CD72: variants seen among roughly 807,000 people sequenced by gnomAD.
CD72 encodes B-cell differentiation antigen CD72.
A neutral mutation model predicts 50.7 loss-of-function variants in CD72; 28 were observed. That is an observed-to-expected ratio of 0.55 (90% CI 0.41 to 0.76). CD72 has a LOEUF of 0.76. CD72 is among the 30% of genes least tolerant of loss of function. CD72 has a pLI of 0.00. For synonymous variants in CD72, 176 were observed against 171.2 expected (o/e 1.03, Z -0.22); for missense variants, 403 against 420.6 (o/e 0.96, Z 0.37).
chr9:35,616,147 T>A lies in CD72; in HGVS notation c.484A>T (p.Arg162Ter). Residue 162 changes from arginine (R) to a stop codon, truncating the protein, a stop_gained, in exon 5 of 9, where the codon AGA (arginine) becomes TGA (stop). Coordinates refer to ENST00000259633, the MANE Select transcript of CD72 (RefSeq NM_001782.3). LOFTEE classifies it high-confidence loss of function. ...GCTTCCTGACTCTGCGCCAGCTCTCTCCTGGACCCCTGCAGATCCTCTGCA... is the reference window on the plus strand; with the variant it reads ...GCTTCCTGACTCTGCGCCAGCTCTCACCTGGACCCCTGCAGATCCTCTGCA... ...QSAEDLQGSR[R>*]ELAQSQEALQ... 6.2e-7 allele frequency: 1 copy of A among 1,614,164 alleles called. No individual in the cohort carries two copies. The highest frequency in any genetic ancestry group is 8.5e-7 in the Non-Finnish European group (1 of 1,180,046).
At chr9:35,633,696 C>T (rs1823266622) in intron 1 of CD72, among the ~76,000 whole-genome samples, 1 of 152,160 alleles carries the variant, frequency 6.6e-6, no homozygotes, top group African/African-American at 2.4e-5. Flanking sequence ...TCCCACCTCC[C>T]CCAGCCCGTA....
At chr9:35,643,907 A>C (rs760280386) in intron 1 of CD72, among the ~76,000 whole-genome samples, 14 of 152,060 alleles carry the variant, frequency 9.2e-5, no homozygotes, top group Non-Finnish European at 1.5e-4. Flanking sequence ...AATTGCTTAA[A>C]TCTGGAGGTG....
intron 1 of CD72, among the ~76,000 whole-genome samples, chr9:35,633,773 A>C (rs1049647405): frequency 1.3e-5 from 2 of 152,214 alleles, no homozygotes; most frequent in African/African-American, 4.8e-5. Context: ...TACGTTCCGA[A>C]AAACCCATCA....
chr9:35,611,103 T>C (rs1009060456), intron 7 of CD72, among the ~76,000 whole-genome samples: 2 of 152,082 alleles, frequency 1.3e-5, no homozygotes, highest in African/African-American at 4.8e-5. Context: ...TACAAAAAAT[T>C]AGCCGGGCAT....
chr9:35,616,842 G>A, intron 3 of CD72, 153 bp from the exon 4 acceptor site: 2 of 991,964 alleles, frequency 2.0e-6, no homozygotes, highest in Non-Finnish European at 3.0e-6. Flanking sequence ...TTTCTGTCGG[G>A]TAGCGGGGTG....
At chr9:35,617,076 T>C (rs1823076161) in intron 3 of CD72, 100 bp downstream of exon 3, 2 of 1,510,258 alleles carry the variant, frequency 1.3e-6, no homozygotes, top group Admixed American at 2.4e-5. Flanking sequence ...CGCCCGGGTT[T>C]ATCCCGGAAG....
intron 5 of CD72, among the ~76,000 whole-genome samples, chr9:35,615,090 G>A (rs972387396): frequency 7.2e-5 from 11 of 152,136 alleles, no homozygotes; most frequent in South Asian, 4.1e-4. Context: ...CCATCCTTTC[G>A]CCGGAAGAGC....
rs376594088 is a variant in CD72, at chr9:35,618,060, T to C, written c.144A>G (p.Leu48=). Residue 48 remains leucine (L), a synonymous_variant, in exon 2 of 9, where the codon CTA becomes CTG. Coordinates refer to ENST00000259633, the MANE Select transcript of CD72 (RefSeq NM_001782.3). ...AAGAAGCCAAGCTTGAGGGCACCCC[T>C]AGGACTGCGGGCACTTGAACATTCT... ...TYENVQVPAV[L]GVPSSLASSV... 1.3e-5 allele frequency: 21 copies of C among 1,613,918 alleles called. No homozygotes were observed. In the African/African-American group the frequency reaches 2.7e-4, roughly 21 times the overall value.
intron 8 of CD72, 93 bp downstream of exon 8, chr9:35,610,509 T>C: frequency 9.9e-7 from 1 of 1,011,872 alleles, no homozygotes; most frequent in Non-Finnish European, 1.4e-6. Flanking sequence ...GTACAAGTTT[T>C]CTCTCGGGCC....
chr9:35,612,014 G>GATT, intron 6 of CD72, 95 bp from the exon 7 acceptor site: 1 of 714,680 alleles, frequency 1.4e-6, no homozygotes, highest in Non-Finnish European at 2.5e-6. Flanking sequence ...CTTTGGCAAG[G>GATT]GGGCTGTATA....
rs751000794 is a variant in CD72, at chr9:35,618,233, C to T, written c.71G>A (p.Arg24Gln). ...KAPLKKSISS[R>Q]LGQDPGADDD... Reference sequence around the variant, plus strand: ...CTCATCCCCCTTACCCTGTCCTAACCGGCTGGAGATGCTCTTCTTCAGGGG... The same window carrying T: ...CTCATCCCCCTTACCCTGTCCTAACTGGCTGGAGATGCTCTTCTTCAGGGG... The change falls in exon 1 of 9, where the codon CGG (arginine) becomes CAG (glutamine). Residue 24 changes from arginine to glutamine, a missense_variant. Arg to Gln is a conservative substitution (Grantham distance 43). Coordinates refer to ENST00000259633, the MANE Select transcript of CD72 (RefSeq NM_001782.3). The T allele has an allele frequency of 1.1e-5, 17 of 1,613,956 alleles. No individual in the cohort carries two copies. Among genetic ancestry groups the T allele is most frequent in the African/African-American group, 9.3e-5 (7 of 74,906 alleles).
At chr9:35,638,771 C>G (rs1823313646) in intron 1 of CD72, among the ~76,000 whole-genome samples, 8 of 151,546 alleles carry the variant, frequency 5.3e-5, no homozygotes, top group Admixed American at 4.6e-4. Context: ...AGGAAGGCAT[C>G]AGAGCAGTTC....
At chr9:35,619,793 T>C (rs112977527), upstream of CD72, among the ~76,000 whole-genome samples, 2 of 152,268 alleles carry the variant, frequency 1.3e-5, no homozygotes, top group African/African-American at 4.8e-5. Context: ...CTGCCTGTGA[T>C]CACTGTTATT....
upstream of CD72, among the ~76,000 whole-genome samples, chr9:35,624,214 AAATAAT>A (rs58480562): frequency 0.29 from 39,274 of 137,570 alleles, 5,678 homozygotes; most frequent in Middle Eastern, 0.33. Context: ...TCTGTCTCAA[AAATAAT>A]AATAATAATA....
At chr9:35,616,957 G>T in intron 3 of CD72, 1 of 1,421,646 alleles carries the variant, frequency 7.0e-7, no homozygotes, top group Non-Finnish European at 9.2e-7. Flanking sequence ...GAGGGGAAGG[G>T]GGGCAGGTAG....
intron 1 of CD72, among the ~76,000 whole-genome samples, chr9:35,634,337 C>A (rs1823271405): frequency 1.3e-5 from 2 of 152,128 alleles, no homozygotes; most frequent in African/African-American, 4.8e-5. Flanking sequence ...TATTTCCTCC[C>A]CATCCCAATA....
At chr9:35,628,771 G>C (rs554371097) in intron 1 of CD72, among the ~76,000 whole-genome samples, 28 of 152,372 alleles carry the variant, frequency 1.8e-4, no homozygotes, top group South Asian at 1.0e-3. Context: ...CTCACCCTGG[G>C]AGTGGGAGAG....
Position 35,618,103 on chromosome 9 carries a change from T to C in CD72, c.101A>G (p.Asp34Gly). ...RLGQDPGADDDGEITYENVQV... is the reference protein window; with the variant it reads ...RLGQDPGADDGGEITYENVQV... ...AACATTCTCGTAGGTGATTTCCCCA[T>C]CATCATCAGCCCCTGGGTCTAGAGA... Residue 34 changes from aspartate to glycine, a missense_variant, in exon 2 of 9, where the codon GAT (aspartate) becomes GGT (glycine). Asp to Gly is a moderately conservative substitution (Grantham distance 94, BLOSUM62 -1). Transcript: ENST00000259633. 1.9e-6 allele frequency: 3 copies of C among 1,613,652 alleles called. No individual in the cohort carries two copies. Among genetic ancestry groups the C allele is most frequent in the Non-Finnish European group, 2.5e-6 (3 of 1,179,630 alleles).
At chr9:35,646,069 A>G (rs1202738131) in intron 1 of CD72, among the ~76,000 whole-genome samples, 2 of 151,920 alleles carry the variant, frequency 1.3e-5, no homozygotes. Flanking sequence ...CTGAGGCAGG[A>G]GAATCTCTTG....
Sources: allele counts gnomAD v4.1 joint callset (sites outside exome capture counted in the v4.1 genomes callset), GRCh38; gene constraint gnomAD v4.1.1; transcripts MANE v1.5; gene names NCBI Gene and HGNC (gene_info 2026-07-23, HGNC 2026-07-21).